NDUFB5: variants seen among roughly 807,000 people sequenced by gnomAD.
The protein encoded by NDUFB5 is NADH:ubiquinone oxidoreductase subunit B5, also known as NADH dehydrogenase [ubiquinone] 1 beta subcomplex subunit 5, mitochondrial.
In NDUFB5, 19 loss-of-function variants were observed where a neutral mutation model predicts 19.4. The ratio of observed to expected loss-of-function variants is 0.98; its 90% CI spans 0.68 to 1.43. The LOEUF (loss-of-function observed/expected upper bound fraction) is 1.43. Ranked by LOEUF, NDUFB5 falls within the 40% of genes most tolerant of loss-of-function variation. The pLI is 0.00. For synonymous variants in NDUFB5, 80 were observed against 82.6 expected (o/e 0.97, Z 0.17); for missense variants, 233 against 236.5 (o/e 0.99, Z 0.10).
At chr3:179,613,779 G>A (rs1303981943) in intron 1 of NDUFB5, among the ~76,000 whole-genome samples, 1 of 152,118 alleles carries the variant, frequency 6.6e-6, no homozygotes, top group African/African-American at 2.4e-5. Flanking sequence ...TAAGAAGATA[G>A]TTCCTGCTTT....
intron 1 of NDUFB5, among the ~76,000 whole-genome samples, chr3:179,606,121 T>A (rs981955623): frequency 1.3e-5 from 2 of 152,298 alleles, no homozygotes; most frequent in African/African-American, 4.8e-5. Flanking sequence ...TATTTGGACC[T>A]CCTTGGAGAC....
chr3:179,617,200 C>A, intron 4 of NDUFB5, 156 bp downstream of exon 4: 1 of 488,512 alleles, frequency 2.0e-6, no homozygotes, highest in Non-Finnish European at 3.6e-6. Context: ...TGCAGTGGCG[C>A]GATTTCAGCT....
chr3:179,605,383 C>T (rs567039936), intron 1 of NDUFB5, among the ~76,000 whole-genome samples: 1 of 152,258 alleles, frequency 6.6e-6, no homozygotes, highest in South Asian at 2.1e-4. Flanking sequence ...CCAACTTATT[C>T]TTTAGGCACA....
At chr3:179,615,229 T>C in intron 2 of NDUFB5, 170 bp downstream of exon 2, 1 of 408,542 alleles carries the variant, frequency 2.4e-6, no homozygotes, top group Non-Finnish European at 4.5e-6. Flanking sequence ...TGAATTTCTC[T>C]TTAAATTAGT....
At chr3:179,605,631 C>A (rs1460285644) in intron 1 of NDUFB5, among the ~76,000 whole-genome samples, 1 of 150,916 alleles carries the variant, frequency 6.6e-6, no homozygotes, top group Non-Finnish European at 1.5e-5. Context: ...ATTTAAATTT[C>A]TTTTTTAAAA....
At chr3:179,620,615 T>A (rs999273279) in intron 5 of NDUFB5, among the ~76,000 whole-genome samples, 1 of 152,200 alleles carries the variant, frequency 6.6e-6, no homozygotes, top group Non-Finnish European at 1.5e-5. Context: ...TAGTATAGTT[T>A]GAAGTCAGGT....
At position 179,625,748 on chromosome 3, in the gene NDUFB5, C is replaced by T. The variant is rs1366431732; in HGVS notation, c.*1708C>T. The T allele has an allele frequency of 6.6e-6, 1 of 152,160 alleles. No individual in the cohort carries two copies. The highest frequency in any genetic ancestry group is 1.5e-5 in the Non-Finnish European group (1 of 68,030). The allele number at this position is 152,160 out of a possible 1,614,324, so 9.4% of individuals were successfully genotyped here. A position where few individuals can be genotyped will look rare whatever the true frequency, so the allele number is the denominator to read the frequency against. On this transcript the variant is annotated 3_prime_UTR_variant, in exon 6 of 6. Transcript: ENST00000259037. ...TTGTAACCACCTTTCTACTCTGCCTCCATGAGACCCATTTTTTAATCTCCC... is the reference window on the plus strand; with the variant it reads ...TTGTAACCACCTTTCTACTCTGCCTTCATGAGACCCATTTTTTAATCTCCC...
chr3:179,608,764 T>A (rs1388597435), intron 1 of NDUFB5, among the ~76,000 whole-genome samples: 1 of 152,202 alleles, frequency 6.6e-6, no homozygotes, highest in South Asian at 2.1e-4. Context: ...TCTTATCTCC[T>A]GCTAAATCAC....
At chr3:179,621,870 CTT>C (rs1316728986) in intron 5 of NDUFB5, among the ~76,000 whole-genome samples, 1 of 152,130 alleles carries the variant, frequency 6.6e-6, no homozygotes, top group Non-Finnish European at 1.5e-5. Context: ...GTTTGACAGT[CTT>C]TAGCTTTTGG....
chr3:179,615,926 T>G, intron 2 of NDUFB5, 57 bp from the exon 3 acceptor site: 1 of 1,278,238 alleles, frequency 7.8e-7, no homozygotes, highest in Non-Finnish European at 1.1e-6. Flanking sequence ...TGAGGATGAT[T>G]TGTGTGTGGG....
chr3:179,616,147 A>G (rs2108398836), intron 3 of NDUFB5, 98 bp downstream of exon 3: 2 of 848,726 alleles, frequency 2.4e-6, no homozygotes, highest in African/African-American at 3.5e-5. Flanking sequence ...ATTGTAATGA[A>G]AAGCTCTTTA....
intron 3 of NDUFB5, among the ~76,000 whole-genome samples, chr3:179,616,519 G>A (rs1719381824): frequency 6.6e-6 from 1 of 151,980 alleles, no homozygotes; most frequent in African/African-American, 2.4e-5. Flanking sequence ...TCCAGCCCGG[G>A]CAACAGAGTG....
intron 1 of NDUFB5, among the ~76,000 whole-genome samples, chr3:179,606,945 T>C (rs894906210): frequency 6.6e-6 from 1 of 152,234 alleles, no homozygotes; most frequent in Non-Finnish European, 1.5e-5. Context: ...CAAAACTACA[T>C]TCCTTGATGA....
At chr3:179,623,436 G>C (rs1007517362) in intron 5 of NDUFB5, among the ~76,000 whole-genome samples, 1 of 152,200 alleles carries the variant, frequency 6.6e-6, no homozygotes, top group South Asian at 2.1e-4. Context: ...ACTTTGGGAG[G>C]CCAAGGCAGG....
In NDUFB5 at chr3:179,624,063, A is replaced by T; in HGVS notation, c.*23A>T. 6.3e-7 allele frequency: 1 copy of T among 1,597,990 alleles called. No homozygotes were observed. The highest frequency in any genetic ancestry group is 8.6e-7 in the Non-Finnish European group (1 of 1,168,574). ...TAAGCATTTTTTTCTCCAAATACAAAGTATATTCTCTTTATTGGAAAATAA... is the reference window on the plus strand; with the variant it reads ...TAAGCATTTTTTTCTCCAAATACAATGTATATTCTCTTTATTGGAAAATAA... On this transcript the variant is annotated 3_prime_UTR_variant, in exon 6 of 6. Transcript: ENST00000259037.
In NDUFB5 at chr3:179,618,477, A is replaced by G. The variant is rs1451667289; in HGVS notation, c.405A>G (p.Arg135=). The change falls in exon 5 of 6, where the codon AGA becomes AGG. Residue 135 remains arginine, a synonymous_variant. Transcript: ENST00000259037. ...ATAGTCCTGAAAAGATATATGAAAG[A>G]ACAATGGCCGTCCTTCAGATTGAAG... ...FYDSPEKIYE[R]TMAVLQIEAE... 5 of 1,613,222 alleles carry G rather than the reference A, an allele frequency of 3.1e-6. No homozygotes were observed. The highest frequency in any genetic ancestry group is 4.2e-6 in the Non-Finnish European group (5 of 1,179,764).
chr3:179,608,838 T>C (rs1719168965), intron 1 of NDUFB5, among the ~76,000 whole-genome samples: 1 of 152,166 alleles, frequency 6.6e-6, no homozygotes, highest in South Asian at 2.1e-4. Context: ...GGGAGTTTCT[T>C]CAGACCCACA....
intron 1 of NDUFB5, among the ~76,000 whole-genome samples, chr3:179,608,797 G>T (rs1324811914): frequency 6.6e-6 from 1 of 152,106 alleles, no homozygotes. Context: ...AGTTCCTTCA[G>T]ACCTCCAGTC....
intron 5 of NDUFB5, among the ~76,000 whole-genome samples, chr3:179,621,620 GC>G: frequency 6.6e-6 from 1 of 150,924 alleles, no homozygotes; most frequent in Non-Finnish European, 1.5e-5. Context: ...CTCCCGAGTA[GC>G]TGGGATTACA....
Sources: gnomAD v4.1 joint callset for allele counts (sites outside exome capture counted in the v4.1 genomes callset) on GRCh38, gnomAD v4.1.1 for gene constraint, MANE v1.5 for transcripts, NCBI Gene and HGNC (gene_info 2026-07-23, HGNC 2026-07-21) for gene names.